Variants in TSC2 observed in about 807,000 individuals in gnomAD.
TSC2 encodes tuberin.
TSC2 carries 29 observed loss-of-function variants against 202.2 expected under a neutral mutation model. The observed-to-expected ratio is 0.14, with a 90% CI of 0.11 to 0.20. The LOEUF is 0.20. Ranked by LOEUF, TSC2 falls within the 10% of genes least tolerant of loss-of-function variation. TSC2 has a pLI of 1.00. For missense variants in TSC2, 2,429 were observed against 2,420.0 expected (o/e 1.00, Z -0.08); for synonymous variants, 1,349 against 1,044.0 (o/e 1.29, Z -5.63).
At position 2,083,780 on chromosome 16, in the gene TSC2, G is replaced by A. The variant is rs749057825; in HGVS notation, c.3969G>A (p.Ala1323=). The A allele has an allele frequency of 3.6e-5, 58 of 1,611,268 alleles. No homozygotes were observed. Among genetic ancestry groups the A allele is most frequent in the South Asian group, 1.3e-4 (12 of 90,602 alleles). ...CAGGGTTGGAGGACGTTGAGGCAGC[G>A]CTAGGCATGGACAGGCGCACGGATG... ...EPPGLEDVEA[A]LGMDRRTDAY... is the part of the protein sequence containing the mutation. Residue 1323 remains alanine (A), a synonymous_variant, in exon 33 of 42, where the codon GCG becomes GCA. Transcript: ENST00000219476.
chr16:2,075,110 G>A (rs1596360715), intron 22 of TSC2: 2 of 157,328 alleles, frequency 1.3e-5, no homozygotes, highest in Non-Finnish European at 1.4e-5. Flanking sequence ...CAGCTACTCA[G>A]GAGGCTAAGG....
At chr16:2,072,544 T>A in intron 20 of TSC2, 181 bp downstream of exon 20, 1 of 1,000,282 alleles carries the variant, frequency 1.0e-6, no homozygotes, top group African/African-American at 1.6e-5. Flanking sequence ...CTGCCCCAGC[T>A]CGCAGCTTTT....
chr16:2,081,289 G>T, intron 30 of TSC2: 1 of 444,840 alleles, frequency 2.2e-6, no homozygotes. Flanking sequence ...TGGGTGTGCC[G>T]TGGCTGAGGG....
At position 2,062,611 on chromosome 16, in the gene TSC2, C is replaced by A; in HGVS notation, c.1361+11C>A. 1 of 1,597,480 alleles carries A rather than the reference C, an allele frequency of 6.3e-7. No homozygotes were observed. On this transcript the variant is annotated intron_variant, in intron 13 of 41. Transcript: ENST00000219476. Reference sequence around the variant, plus strand: ...GGAGAGATTCTTCAGGTAGGGGGTCCTCTGTAGCCTTGCCTGGCACCTGGA... The same window carrying A: ...GGAGAGATTCTTCAGGTAGGGGGTCATCTGTAGCCTTGCCTGGCACCTGGA...
chr16:2,054,030 T>C (rs1222502078), intron 4 of TSC2: 2 of 547,504 alleles, frequency 3.7e-6, no homozygotes, highest in Non-Finnish European at 6.6e-6. Context: ...GCAGGAGCTG[T>C]GTCATCCCCT....
intron 16 of TSC2, among the ~76,000 whole-genome samples, chr16:2,068,972 C>G (rs903099724): frequency 2.0e-5 from 3 of 151,588 alleles, no homozygotes; most frequent in African/African-American, 7.3e-5. Context: ...TTGTCATCCT[C>G]ATGTTGAGGG....
At position 2,050,254 on chromosome 16, in the gene TSC2, G is replaced by A. The variant is rs549615564; in HGVS notation, c.139-146G>A. Reference sequence around the variant, plus strand: ...TTACAGGCCTGAGCCACCGCGGCTCGTCAAGTGAATCTTGATTCCAGAAAG... The same window carrying A: ...TTACAGGCCTGAGCCACCGCGGCTCATCAAGTGAATCTTGATTCCAGAAAG... On this transcript the variant is annotated intron_variant, in intron 2 of 41. Transcript: ENST00000219476. 3.2e-4 allele frequency: 267 copies of A among 845,402 alleles called. 3 individuals are homozygous for A. The highest frequency in any genetic ancestry group is 2.6e-3 in the South Asian group (182 of 69,446). 52.4% of individuals were successfully genotyped at this position (845,402 alleles called of 1,614,324 possible).
chr16:2,086,276 C>G lies in TSC2; in HGVS notation c.4746C>G (p.Ile1582Met), dbSNP rs751305758. 6.2e-7 allele frequency: 1 copy of G among 1,612,860 alleles called. No individual in the cohort carries two copies. The highest frequency in any genetic ancestry group is 8.5e-7 in the Non-Finnish European group (1 of 1,179,956). Reference protein sequence around the residue: ...TEFLTGLGRLIELKDCQPDKV... With the variant: ...TEFLTGLGRLMELKDCQPDKV... Reference sequence around the variant, plus strand: ...TCCTGACGGGCCTGGGCCGGCTCATCGAGCTGAAGGACTGCCAGCCGGACA... The same window carrying G: ...TCCTGACGGGCCTGGGCCGGCTCATGGAGCTGAAGGACTGCCAGCCGGACA... The change falls in exon 37 of 42, where the codon ATC becomes ATG. Residue 1582 changes from isoleucine to methionine, a missense_variant. Physicochemically the swap from Ile to Met is conservative, Grantham distance 10. Transcript: ENST00000219476.
intron 6 of TSC2, chr16:2,055,948 ATGTCT>A: frequency 1.8e-6 from 1 of 565,808 alleles, no homozygotes; most frequent in East Asian, 3.2e-5. Context: ...CTCTCATCTG[ATGTCT>A]TGGTTATCTT....
chr16:2,059,976 C>G (rs961720373), intron 10 of TSC2, among the ~76,000 whole-genome samples: 1 of 152,172 alleles, frequency 6.6e-6, no homozygotes. Flanking sequence ...GCTTTATTCT[C>G]AAGCAAACCT....
intron 1 of TSC2, chr16:2,048,300 G>A: frequency 9.1e-7 from 1 of 1,097,140 alleles, no homozygotes; most frequent in Non-Finnish European, 1.4e-6. Context: ...AAACGTCGGG[G>A]CTCCCAGGAC....
Position 2,071,507 on chromosome 16 carries a change from C to A in TSC2, c.1840-3C>A. On this transcript the variant is annotated splice_polypyrimidine_tract_variant and splice_region_variant and intron_variant, in intron 17 of 41. Coordinates refer to ENST00000219476, the MANE Select transcript of TSC2 (RefSeq NM_000548.5). ...CTGGCTTTCACCATCCTCTTCCTGA[C>A]AGGCCTTTGACTTCCTGTTGCTGCT... The A allele has an allele frequency of 1.2e-6, 2 of 1,613,624 alleles. No homozygotes were observed. Among genetic ancestry groups the A allele is most frequent in the Non-Finnish European group, 1.7e-6 (2 of 1,180,008 alleles).
At chr16:2,053,882 C>T (rs2085436184) in intron 4 of TSC2, 1 of 466,452 alleles carries the variant, frequency 2.1e-6, no homozygotes, top group South Asian at 1.7e-5. Context: ...CCCTGGTCGG[C>T]CACTTCTACT....
Position 2,088,601 on chromosome 16 carries a change from G to A in TSC2, c.5415G>A (p.Glu1805=), listed in dbSNP as rs982803529. 7 of 1,604,134 alleles carry A rather than the reference G, an allele frequency of 4.4e-6. No homozygotes were observed. Among genetic ancestry groups the A allele is most frequent in the African/African-American group, 1.3e-5 (1 of 74,904 alleles). The change falls in exon 42 of 42, where the codon GAG becomes GAA. Residue 1805 remains glutamate, a synonymous_variant. Transcript: ENST00000219476. ...TCTCCTCGGTGGAGGACTTCACCGA[G>A]TTTGTGTGAGGCCGGGGCCCTCCCT... ...RLISSVEDFT[E]FV is the part of the protein sequence containing the mutation.
At chr16:2,082,901 G>C (rs536930861) in intron 32 of TSC2, 62 of 385,804 alleles carry the variant, frequency 1.6e-4, no homozygotes, top group South Asian at 1.2e-3. Flanking sequence ...CCTGGCCTCT[G>C]GAACCCACAG....
At chr16:2,059,549 C>A (rs1404618087) in intron 10 of TSC2, among the ~76,000 whole-genome samples, 1 of 106,452 alleles carries the variant, frequency 9.4e-6, no homozygotes, top group Non-Finnish European at 1.8e-5. Flanking sequence ...GACAGAGTTT[C>A]GCTCTTATTG....
chr16:2,049,079 A>T (rs557001838), intron 2 of TSC2, among the ~76,000 whole-genome samples: 1 of 151,444 alleles, frequency 6.6e-6, no homozygotes, highest in African/African-American at 2.5e-5. Context: ...TGGGAGAAGT[A>T]GGTTCTTTAT....
chr16:2,081,479 A>G, intron 30 of TSC2, 116 bp from the exon 31 acceptor site: 1 of 1,306,098 alleles, frequency 7.7e-7, no homozygotes, highest in South Asian at 1.2e-5. Flanking sequence ...GGTCCTGAGG[A>G]TTGTGGGAGG....
chr16:2,087,844 C>G lies in TSC2; in HGVS notation c.4990-19C>G, dbSNP rs1244495150. On this transcript the variant is annotated intron_variant, in intron 38 of 41. Transcript: ENST00000219476. Reference sequence around the variant, plus strand: ...GCACACGCTGTGTGCGGGGATGACCCTTTCTCTTGTCCGGGCAGGGCCAGT... The same window carrying G: ...GCACACGCTGTGTGCGGGGATGACCGTTTCTCTTGTCCGGGCAGGGCCAGT... 2 of 1,612,134 alleles carry G rather than the reference C, an allele frequency of 1.2e-6. No individual in the cohort carries two copies. Among genetic ancestry groups the G allele is most frequent in the Non-Finnish European group, 1.7e-6 (2 of 1,179,756 alleles).
Sources: gnomAD v4.1 joint callset for allele counts (sites outside exome capture counted in the v4.1 genomes callset) on GRCh38, gnomAD v4.1.1 for gene constraint, MANE v1.5 for transcripts, NCBI Gene and HGNC (gene_info 2026-07-23, HGNC 2026-07-21) for gene names.